IQCM: variants seen among roughly 807,000 people sequenced by gnomAD.
IQCM encodes IQ motif containing M, also known as IQ domain-containing protein M.
Under a neutral mutation model 57.6 loss-of-function variants are expected in IQCM, and 45 were observed. That is an observed-to-expected ratio of 0.78 (90% CI 0.62 to 1.00). The LOEUF is 1.00. Ranked by LOEUF, IQCM falls within the 50% of genes least tolerant of loss-of-function variation. The pLI, the probability that IQCM is intolerant of heterozygous loss-of-function variation, is 0.00. For missense variants in IQCM, 468 were observed against 511.6 expected (o/e 0.91, Z 0.82); for synonymous variants, 148 against 158.9 (o/e 0.93, Z 0.51).
intron 8 of IQCM, among the ~76,000 whole-genome samples, chr4:149,615,841 C>G (rs778949853): frequency 6.6e-6 from 1 of 152,168 alleles, no homozygotes; most frequent in Admixed American, 6.5e-5. Flanking sequence ...TTTAACAAGG[C>G]AGGCTTCTCT....
chr4:149,390,219 T>C (rs1346472399), intron 13 of IQCM, among the ~76,000 whole-genome samples: 1 of 152,058 alleles, frequency 6.6e-6, no homozygotes, highest in Non-Finnish European at 1.5e-5. Flanking sequence ...CTTTGTGCTA[T>C]TTTAAATGGA....
intron 12 of IQCM, among the ~76,000 whole-genome samples, chr4:149,526,975 C>T (rs546750842): frequency 7.9e-5 from 12 of 151,974 alleles, no homozygotes; most frequent in African/African-American, 2.9e-4. Flanking sequence ...AATATATAGT[C>T]AGTTTACAGG....
At chr4:149,363,398 T>C (rs1234822611) in intron 13 of IQCM, among the ~76,000 whole-genome samples, 1 of 152,234 alleles carries the variant, frequency 6.6e-6, no homozygotes, top group African/African-American at 2.4e-5. Flanking sequence ...GATGTATTTA[T>C]AAGTGCATGC....
chr4:149,759,912 A>G (rs1459933548), intron 2 of IQCM, among the ~76,000 whole-genome samples: 1 of 152,116 alleles, frequency 6.6e-6, no homozygotes, highest in African/African-American at 2.4e-5. Flanking sequence ...AATGAATAGA[A>G]AACAACTGCA....
chr4:149,679,183 G>GAAAT (rs1761992458), intron 7 of IQCM, among the ~76,000 whole-genome samples: 1 of 151,658 alleles, frequency 6.6e-6, no homozygotes, highest in Admixed American at 6.6e-5. Context: ...TATGCACAAT[G>GAAAT]AAATATGATT....
intron 12 of IQCM, among the ~76,000 whole-genome samples, chr4:149,520,388 G>T (rs111532304): frequency 0.016 from 2,509 of 152,166 alleles, 78 homozygotes; most frequent in African/African-American, 0.058. Flanking sequence ...CATTTTGCCT[G>T]TTGTCCCAGG....
chr4:149,813,165 T>C (rs1336297845), intron 2 of IQCM, among the ~76,000 whole-genome samples: 1 of 152,134 alleles, frequency 6.6e-6, no homozygotes, highest in Admixed American at 6.6e-5. Flanking sequence ...TTTTTTTCTT[T>C]CCACTCAAAA....
Position 149,686,352 on chromosome 4 carries a change from C to T in IQCM, c.476+26G>A, listed in dbSNP as rs1014122443. On this transcript the variant is annotated intron_variant, in intron 6 of 13. Transcript: ENST00000636793. ...CAAAGTAGAAGAAAATATATATTTTCTATAGGTTAGCTAATTATACATTAC... is the reference window on the plus strand; with the variant it reads ...CAAAGTAGAAGAAAATATATATTTTTTATAGGTTAGCTAATTATACATTAC... 4 of 1,056,258 alleles carry T rather than the reference C, an allele frequency of 3.8e-6. No homozygotes were observed. In the African/African-American group the frequency reaches 4.9e-5, roughly 13 times the overall value. The allele number at this position is 1,056,258 out of a possible 1,614,324, so 65.4% of individuals were successfully genotyped here. A position where few individuals can be genotyped will look rare whatever the true frequency, so the allele number is the denominator to read the frequency against.
At chr4:149,755,190 C>T (rs1768844633) in intron 2 of IQCM, among the ~76,000 whole-genome samples, 1 of 152,198 alleles carries the variant, frequency 6.6e-6, no homozygotes. Context: ...TGGCCTAGTT[C>T]TACTTCCTGC....
chr4:149,615,740 A>G (rs1755736903), intron 8 of IQCM, among the ~76,000 whole-genome samples: 1 of 152,232 alleles, frequency 6.6e-6, no homozygotes, highest in Non-Finnish European at 1.5e-5. Flanking sequence ...ACTAAGTTGT[A>G]AAGAGTTCTT....
chr4:149,469,770 A>T (rs544725008), intron 12 of IQCM, among the ~76,000 whole-genome samples: 233 of 152,324 alleles, frequency 1.5e-3, no homozygotes, highest in African/African-American at 5.4e-3. Context: ...CTAACAGCGG[A>T]TCTCTCGGCA....
chr4:149,635,883 T>C (rs554171361), intron 7 of IQCM, among the ~76,000 whole-genome samples: 1 of 152,170 alleles, frequency 6.6e-6, no homozygotes, highest in Non-Finnish European at 1.5e-5. Context: ...ATTTCCAGTA[T>C]CATTATTTCT....
chr4:149,704,119 C>T (rs1763978614), intron 5 of IQCM, among the ~76,000 whole-genome samples: 1 of 151,860 alleles, frequency 6.6e-6, no homozygotes, highest in African/African-American at 2.4e-5. Context: ...TATCTTATTG[C>T]TTGTCTTAAC....
At chr4:149,561,602 A>G (rs1750126791) in intron 10 of IQCM, among the ~76,000 whole-genome samples, 1 of 152,162 alleles carries the variant, frequency 6.6e-6, no homozygotes, top group Non-Finnish European at 1.5e-5. Flanking sequence ...CAAGACAGAT[A>G]CCTGTCTTCA....
chr4:149,374,034 A>C (rs183466462), intron 13 of IQCM, among the ~76,000 whole-genome samples: 5 of 152,318 alleles, frequency 3.3e-5, no homozygotes, highest in Non-Finnish European at 5.9e-5. Context: ...AAGCATTTGC[A>C]GTAGCAGCAG....
At chr4:149,652,588 C>T (rs1459450232) in intron 7 of IQCM, among the ~76,000 whole-genome samples, 3 of 151,062 alleles carry the variant, frequency 2.0e-5, no homozygotes, top group African/African-American at 7.3e-5. Flanking sequence ...AATGGTGAGA[C>T]AATAGAAAGT....
In IQCM at chr4:149,765,672, A is replaced by G. The variant is rs775724711; in HGVS notation, c.-48-22933T>C. On this transcript the variant is annotated intron_variant, in intron 2 of 13. Coordinates refer to ENST00000636793, the MANE Select transcript of IQCM (RefSeq NM_001363507.2). ...ATGTTAGTGTAGCTAAATGATAACC[A>G]GTTATTTTATCCTAGCTTGCTTTTC... Among the ~76,000 whole-genome samples, 3 of 152,204 alleles carry G rather than the reference A, an allele frequency of 2.0e-5. No homozygotes were observed. The South Asian group carries it at 6.2e-4, about 32-fold the overall frequency.
chr4:149,373,970 A>G (rs755843255), intron 13 of IQCM, among the ~76,000 whole-genome samples: 1 of 152,186 alleles, frequency 6.6e-6, no homozygotes, highest in Non-Finnish European at 1.5e-5. Context: ...GGCAAGGTCA[A>G]GGAAAGGTGA....
intron 9 of IQCM, among the ~76,000 whole-genome samples, chr4:149,585,775 T>G (rs1310140896): frequency 6.6e-6 from 1 of 151,772 alleles, no homozygotes; most frequent in Non-Finnish European, 1.5e-5. Context: ...AGGTGAGATT[T>G]AGATTCTAGT....
Sources: gnomAD v4.1 joint callset for allele counts (sites outside exome capture counted in the v4.1 genomes callset) on GRCh38, gnomAD v4.1.1 for gene constraint, MANE v1.5 for transcripts, NCBI Gene and HGNC (gene_info 2026-07-23, HGNC 2026-07-21) for gene names.